The following GLS2 variants were observed in gnomAD, a reference collection of about 807,000 sequenced individuals.
GLS2 encodes glutaminase liver isoform, mitochondrial.
A neutral mutation model predicts 79.0 loss-of-function variants in GLS2; 52 were observed. That is an observed-to-expected ratio of 0.66 (90% CI 0.53 to 0.83). The LOEUF (loss-of-function observed/expected upper bound fraction) is 0.83, where lower values mean the gene tolerates loss of function less well. Among genes scored for constraint, GLS2 ranks in the 40% least tolerant of loss-of-function variants. The pLI, the probability that GLS2 is intolerant of heterozygous loss-of-function variation, is 0.00. For missense variants in GLS2, 561 were observed against 764.8 expected (o/e 0.73, Z 3.14); for synonymous variants, 238 against 280.8 (o/e 0.85, Z 1.52).
At chr12:56,485,507 C>T (rs925430379) in intron 1 of GLS2, among the ~76,000 whole-genome samples, 6 of 152,140 alleles carry the variant, frequency 3.9e-5, no homozygotes, top group African/African-American at 1.4e-4. Flanking sequence ...TCAAGTGATC[C>T]CCCTGCCTTG....
At chr12:56,482,735 C>T (rs7314504) in intron 1 of GLS2, among the ~76,000 whole-genome samples, 3,181 of 152,154 alleles carry the variant, frequency 0.021, 119 homozygotes, top group African/African-American at 0.073. Flanking sequence ...TCAAGATTTC[C>T]ATTAATATGT....
At chr12:56,474,374 G>A in intron 12 of GLS2, 170 bp downstream of exon 12, 1 of 759,124 alleles carries the variant, frequency 1.3e-6, no homozygotes. Context: ...TATATTCGAG[G>A]AACTTGGTGT....
chr12:56,487,064 G>C (rs1287419725), intron 1 of GLS2, among the ~76,000 whole-genome samples: 2 of 152,286 alleles, frequency 1.3e-5, no homozygotes, highest in East Asian at 3.9e-4. Context: ...GCAGCGACGA[G>C]GGAGATGGCC....
intron 8 of GLS2, 93 bp downstream of exon 8, chr12:56,475,852 C>T: frequency 6.9e-7 from 1 of 1,454,234 alleles, no homozygotes; most frequent in Non-Finnish European, 9.7e-7. Context: ...GCTGGTGCAC[C>T]TGGTAGTGGG....
intron 1 of GLS2, among the ~76,000 whole-genome samples, chr12:56,481,051 G>A (rs909700548): frequency 4.0e-5 from 6 of 151,800 alleles, no homozygotes; most frequent in African/African-American, 1.5e-4. Flanking sequence ...CAAAGTAAAT[G>A]TTCAATAAAT....
At position 56,479,867 on chromosome 12, in the gene GLS2, G is replaced by T. The variant is rs1470143562; in HGVS notation, c.317C>A (p.Pro106His). 4.3e-6 allele frequency: 7 copies of T among 1,612,974 alleles called. No homozygotes were observed. The highest frequency in any genetic ancestry group is 5.9e-6 in the Non-Finnish European group (7 of 1,179,994). ...CTCGCTCATGCAGTCTCGGAGCCGA[G>T]GATCTGATGTCTGCAGTCCAGTGGC... Reference protein sequence around the residue: ...LKATGLQTSDPRLRDCMSEMH... With the variant: ...LKATGLQTSDHRLRDCMSEMH... The change falls in exon 3 of 18, where the codon CCT becomes CAT. Residue 106 changes from proline to histidine, a missense_variant. Pro to His is a moderately conservative substitution (Grantham distance 77). Transcript: ENST00000311966.
intron 1 of GLS2, among the ~76,000 whole-genome samples, chr12:56,481,274 C>T (rs1430547100): frequency 1.5e-5 from 2 of 137,806 alleles, no homozygotes; most frequent in Non-Finnish European, 1.5e-5. Flanking sequence ...GGCGCGATCT[C>T]GGCTCACTGC....
chr12:56,474,565 G>T lies in GLS2; in HGVS notation c.1203C>A (p.Phe401Leu). The T allele has an allele frequency of 6.2e-7, 1 of 1,614,102 alleles. No homozygotes were observed. Among genetic ancestry groups the T allele is most frequent in the Non-Finnish European group, 8.5e-7 (1 of 1,180,038 alleles). Reference sequence around the variant, plus strand: ...TCACGTGGAAGGCAAACTGGCCAGAGAAGTCATACATGCCGCAGGAATGCA... The same window carrying T: ...TCACGTGGAAGGCAAACTGGCCAGATAAGTCATACATGCCGCAGGAATGCA... Reference protein sequence around the residue: ...SLMHSCGMYDFSGQFAFHVGL... With the variant: ...SLMHSCGMYDLSGQFAFHVGL... Residue 401 changes from phenylalanine to leucine, a missense_variant, in exon 12 of 18, where the codon TTC becomes TTA. Transcript: ENST00000311966.
intron 9 of GLS2, 184 bp from the exon 10 acceptor site, chr12:56,475,294 G>T: frequency 1.4e-6 from 2 of 1,457,108 alleles, no homozygotes; most frequent in East Asian, 2.5e-5. Flanking sequence ...GCATAGTTTT[G>T]TTATAAAGTA....
In GLS2 at chr12:56,471,989, C is replaced by T. The variant is rs1869317538; in HGVS notation, c.1588+130G>A. On this transcript the variant is annotated intron_variant, in intron 16 of 17. Transcript: ENST00000311966. ...CACTCAGTCATAGTCTAGCTGCAAA[C>T]CGAAGGGTGTCTAGATAAAACTAGT... 4.7e-6 allele frequency: 6 copies of T among 1,278,902 alleles called. No homozygotes were observed. In the South Asian group the frequency reaches 7.6e-5, roughly 16 times the overall value. The allele number at this position is 1,278,902 out of a possible 1,614,324, so 79.2% of individuals were successfully genotyped here. A position where few individuals can be genotyped will look rare whatever the true frequency, so the allele number is the denominator to read the frequency against.
At chr12:56,486,555 A>G (rs1020019298) in intron 1 of GLS2, among the ~76,000 whole-genome samples, 5 of 152,158 alleles carry the variant, frequency 3.3e-5, no homozygotes, top group Admixed American at 1.3e-4. Flanking sequence ...GAAAAAGAGA[A>G]AAGGGCCGGG....
intron 14 of GLS2, 131 bp from the exon 15 acceptor site, chr12:56,472,882 A>ATTT: frequency 1.8e-6 from 1 of 544,634 alleles, no homozygotes; most frequent in Admixed American, 3.5e-5. Context: ...ACTCTGAAAT[A>ATTT]TTCTTTTTTT....
chr12:56,484,604 C>T (rs565310496), intron 1 of GLS2, among the ~76,000 whole-genome samples: 1 of 152,130 alleles, frequency 6.6e-6, no homozygotes, highest in African/African-American at 2.4e-5. Flanking sequence ...TGAGGGATAA[C>T]TCAAGAAGGA....
chr12:56,480,431 C>T (rs1434803120), intron 1 of GLS2, 44 bp from the exon 2 acceptor site: 1 of 1,427,958 alleles, frequency 7.0e-7, no homozygotes, highest in African/African-American at 1.4e-5. Flanking sequence ...GGCCTGAGAA[C>T]TGCTACCTGC....
intron 1 of GLS2, among the ~76,000 whole-genome samples, chr12:56,486,138 C>T (rs1260594191): frequency 6.6e-6 from 1 of 152,146 alleles, no homozygotes; most frequent in Non-Finnish European, 1.5e-5. Context: ...ACAGGAACCC[C>T]ACCCCATCAT....
rs755030206 is a variant in GLS2, at chr12:56,474,607, G to A, written c.1161C>T (p.Arg387=). 2 of 1,614,204 alleles carry A rather than the reference G, an allele frequency of 1.2e-6. No individual in the cohort carries two copies. Among genetic ancestry groups the A allele is most frequent in the East Asian group, 2.2e-5 (1 of 44,886 alleles). The change falls in exon 12 of 18, where the codon CGC becomes CGT. Residue 387 remains arginine, a synonymous_variant. Transcript: ENST00000311966. The stretch of plus-strand genomic sequence containing the variant: ...AGGAATGCATGAGGCTGAGGGTGTT[G>A]CGCACTGCTTCAGCACTCAGCACAC... ...GESVLSAEAV[R]NTLSLMHSCG...
intron 1 of GLS2, among the ~76,000 whole-genome samples, chr12:56,486,748 T>A (rs1238551397): frequency 6.6e-6 from 1 of 152,016 alleles, no homozygotes; most frequent in Non-Finnish European, 1.5e-5. Context: ...TAATCCCAGC[T>A]ATTCGAGAGG....
Position 56,480,333 on chromosome 12 carries a change from A to T in GLS2, c.237T>A (p.Thr79=). ...LSRLGDLLFY[T]IAEGQERIPI... ...GGATTCGTTCCTGTCCTTCAGCAAT[A>T]GTGTAAAAGAGCAAATCACCCAGGC... Residue 79 remains threonine (T), a synonymous_variant, in exon 2 of 18, where the codon ACT becomes ACA. Coordinates refer to ENST00000311966, the MANE Select transcript of GLS2 (RefSeq NM_013267.4). The T allele has an allele frequency of 1.2e-6, 2 of 1,614,128 alleles. No individual in the cohort carries two copies. Among genetic ancestry groups the T allele is most frequent in the Non-Finnish European group, 1.7e-6 (2 of 1,180,018 alleles).
chr12:56,471,554 A>G lies in GLS2; in HGVS notation c.1742T>C (p.Leu581Pro), dbSNP rs2657879. 283,365 of 1,613,616 alleles carry G rather than the reference A, an allele frequency of 0.18. 26,333 individuals are homozygous for G. The highest frequency in any genetic ancestry group is 0.23 in the Admixed American group (13,490 of 59,940). ...LLQDYQDSYT[L>P]SETQAEAAAE... ...TGCTGCCTCAGCCTGAGTTTCAGAG[A>G]GTGTGTAGGAGTCCTGGTAATCTTG... is the stretch of plus-strand genomic sequence containing the variant. The change falls in exon 18 of 18, where the codon CTC becomes CCC. Residue 581 changes from leucine to proline, a missense_variant. Leu to Pro is a moderately conservative substitution (Grantham distance 98, BLOSUM62 -3). Coordinates refer to ENST00000311966, the MANE Select transcript of GLS2 (RefSeq NM_013267.4).
Sources: gnomAD v4.1 joint callset for allele counts (sites outside exome capture counted in the v4.1 genomes callset) on GRCh38, gnomAD v4.1.1 for gene constraint, MANE v1.5 for transcripts, NCBI Gene and HGNC (gene_info 2026-07-23, HGNC 2026-07-21) for gene names.